The following MGAT5B variants were observed in gnomAD, a reference collection of about 807,000 sequenced individuals.
MGAT5B encodes alpha-1,6-mannosylglycoprotein 6-beta-N-acetylglucosaminyltransferase B.
In MGAT5B, 54 loss-of-function variants were observed where a neutral mutation model predicts 95.1. That is an observed-to-expected ratio of 0.57 (90% CI 0.46 to 0.71). The LOEUF (loss-of-function observed/expected upper bound fraction) is 0.71, where lower values mean the gene tolerates loss of function less well. MGAT5B is among the 30% of genes least tolerant of loss of function. MGAT5B has a pLI of 0.00. For synonymous variants in MGAT5B, 464 were observed against 451.0 expected (o/e 1.03, Z -0.36); for missense variants, 935 against 1,088.6 (o/e 0.86, Z 1.99).
In MGAT5B at chr17:76,905,929, G is replaced by A; in HGVS notation, c.856-89G>A. 7.1e-7 allele frequency: 1 copy of A among 1,406,652 alleles called. No homozygotes were observed. Among genetic ancestry groups the A allele is most frequent in the South Asian group, 1.4e-5 (1 of 70,486 alleles). The allele number at this position is 1,406,652 out of a possible 1,614,324, so 87.1% of individuals were successfully genotyped here. On this transcript the variant is annotated intron_variant, in intron 7 of 17. Coordinates refer to ENST00000569840, the MANE Select transcript of MGAT5B (RefSeq NM_001199172.2). The surrounding 1 kb of genome is among the most constrained non-coding windows in gnomAD (Gnocchi z 4.2). ...GCCCAGCCTGGAGACAGGGTCTGCTGCCGGCTGGTCTCCTGGCCGGTGCCC... is the reference window on the plus strand; with the variant it reads ...GCCCAGCCTGGAGACAGGGTCTGCTACCGGCTGGTCTCCTGGCCGGTGCCC...
At chr17:76,880,420 G>A (rs2145130313) in intron 2 of MGAT5B, among the ~76,000 whole-genome samples, 1 of 152,314 alleles carries the variant, frequency 6.6e-6, no homozygotes, top group East Asian at 1.9e-4. Flanking sequence ...CGTGGCAGCA[G>A]TGGCTGGGCC....
At chr17:76,925,161 C>G in intron 9 of MGAT5B, 64 bp downstream of exon 9, 1 of 1,598,078 alleles carries the variant, frequency 6.3e-7, no homozygotes, top group Non-Finnish European at 8.5e-7. Context: ...TCCTCCTTCA[C>G]GCCCTGCCCC....
intron 13 of MGAT5B, among the ~76,000 whole-genome samples, chr17:76,939,461 A>G (rs1278144369): frequency 6.6e-6 from 1 of 152,002 alleles, no homozygotes; most frequent in Non-Finnish European, 1.5e-5. Context: ...TTGCAGTGAG[A>G]TGAGATGGTG....
At position 76,946,007 on chromosome 17, in the gene MGAT5B, C is replaced by A. The variant is rs115275262; in HGVS notation, c.1849-369C>A. On this transcript the variant is annotated intron_variant, in intron 15 of 17. Coordinates refer to ENST00000569840, the MANE Select transcript of MGAT5B (RefSeq NM_001199172.2). The stretch of plus-strand genomic sequence containing the variant: ...GAGTGGGGGTGGGGCTCAGGGAAAG[C>A]TCCCTGGAGCAGGTGATGCCTAAGA... Among the ~76,000 whole-genome samples the A allele has an allele frequency of 1.3e-3, 192 of 151,844 alleles. 1 individual carries two copies. Among genetic ancestry groups the A allele is most frequent in the African/African-American group, 4.4e-3 (184 of 41,398 alleles).
Position 76,930,346 on chromosome 17 carries a change from G to T in MGAT5B, c.1292-2299G>T, listed in dbSNP as rs7218723. 0.17 allele frequency among the ~76,000 whole-genome samples: 25,652 copies of T among 152,074 alleles called. 2,232 individuals carry two copies. The highest frequency in any genetic ancestry group is 0.19 in the Non-Finnish European group (13,076 of 67,972). ...ACTACAGTAGATTTACACATTTGAT[G>T]AAAGCATGCATCCCAATTGGAGAAA... On this transcript the variant is annotated intron_variant, in intron 10 of 17. Coordinates refer to ENST00000569840, the MANE Select transcript of MGAT5B (RefSeq NM_001199172.2). This position sits in a 1 kb window ranked among gnomAD's most constrained non-coding sequence, Gnocchi z 4.1.
intron 5 of MGAT5B, among the ~76,000 whole-genome samples, chr17:76,903,660 C>T (rs994231355): frequency 6.6e-6 from 1 of 152,204 alleles, no homozygotes; most frequent in Non-Finnish European, 1.5e-5. Context: ...CCTGCTCCTC[C>T]TGGCCCAGCC....
rs367686326 is a variant in MGAT5B, at chr17:76,943,623, T to TGG, written c.1849-2744_1849-2743dup. ...TTATTTGAATAGAGATGGGGTGGGGTGGGGGGGGGGTCTCATTTTGTTGCC... is the reference window on the plus strand; with the variant it reads ...TTATTTGAATAGAGATGGGGTGGGGTGGGGGGGGGGGGTCTCATTTTGTTGCC... On this transcript the variant is annotated intron_variant, in intron 15 of 17. Coordinates refer to ENST00000569840, the MANE Select transcript of MGAT5B (RefSeq NM_001199172.2). Among the ~76,000 whole-genome samples the TGG allele has an allele frequency of 9.1e-4, 69 of 75,604 alleles. 1 individual carries two copies. The South Asian group carries it at 0.034, about 37-fold the overall frequency. 49.6% of individuals were successfully genotyped at this position (75,604 alleles called of 152,430 possible).
At chr17:76,945,762 T>C (rs1179939083) in intron 15 of MGAT5B, among the ~76,000 whole-genome samples, 1 of 152,188 alleles carries the variant, frequency 6.6e-6, no homozygotes, top group East Asian at 1.9e-4. Flanking sequence ...TGGGGATGCC[T>C]TTTCATTCCA....
intron 3 of MGAT5B, among the ~76,000 whole-genome samples, chr17:76,883,328 A>G (rs1371112292): frequency 6.6e-6 from 1 of 152,096 alleles, no homozygotes; most frequent in Non-Finnish European, 1.5e-5. Flanking sequence ...ATGATTTTGA[A>G]CTCTGTGTTG....
Position 76,940,804 on chromosome 17 carries a change from T to C in MGAT5B, c.1804T>C (p.Ser602Pro). Residue 602 changes from serine (S) to proline (P), a missense_variant, in exon 15 of 18, where the codon TCA (serine) becomes CCA (proline). Coordinates refer to ENST00000569840, the MANE Select transcript of MGAT5B (RefSeq NM_001199172.2). The surrounding 1 kb of genome is among the most constrained non-coding windows in gnomAD (Gnocchi z 4.3). ...CGTGTGGACAGTCGACTACAACAACTCAGAGGAGTTTGAAGCAGCCATCAA... is the reference window on the plus strand; with the variant it reads ...CGTGTGGACAGTCGACTACAACAACCCAGAGGAGTTTGAAGCAGCCATCAA... ...PHVWTVDYNN[S>P]EEFEAAIKAI... 6.2e-7 allele frequency: 1 copy of C among 1,613,948 alleles called. No individual in the cohort carries two copies. The highest frequency in any genetic ancestry group is 8.5e-7 in the Non-Finnish European group (1 of 1,180,006).
At chr17:76,947,608 G>A (rs1325297445) in intron 16 of MGAT5B, among the ~76,000 whole-genome samples, 1 of 152,198 alleles carries the variant, frequency 6.6e-6, no homozygotes, top group Non-Finnish European at 1.5e-5. Flanking sequence ...CAAGGCCCTG[G>A]GCGGATGCCG....
intron 11 of MGAT5B, 26 bp from the exon 12 acceptor site, chr17:76,933,266 T>C: frequency 6.3e-7 from 1 of 1,598,278 alleles, no homozygotes; most frequent in Non-Finnish European, 8.5e-7. Context: ...TCTCTGTTCC[T>C]TGTGCTCCCC....
chr17:76,886,364 G>C (rs73371847), intron 3 of MGAT5B, among the ~76,000 whole-genome samples: 19,831 of 152,226 alleles, frequency 0.13, 2,119 homozygotes, highest in African/African-American at 0.29. Flanking sequence ...TGGGCTCTGC[G>C]AGCCTCAGGT....
intron 3 of MGAT5B, among the ~76,000 whole-genome samples, chr17:76,899,426 T>G (rs903197714): frequency 1.3e-5 from 2 of 152,134 alleles, no homozygotes; most frequent in Non-Finnish European, 2.9e-5. Context: ...GGAGGATCAC[T>G]TGAGCCCAGG....
chr17:76,871,236 T>C (rs1198425742), intron 1 of MGAT5B, among the ~76,000 whole-genome samples: 1 of 152,210 alleles, frequency 6.6e-6, no homozygotes, highest in East Asian at 1.9e-4. Flanking sequence ...GCACCTCTCC[T>C]GTGCCATGGC....
intron 8 of MGAT5B, among the ~76,000 whole-genome samples, chr17:76,908,516 C>T (rs1435214787): frequency 3.3e-5 from 5 of 152,120 alleles, no homozygotes; most frequent in African/African-American, 9.7e-5. Context: ...ATTCGCCTAC[C>T]TCAGCCTCCC....
At chr17:76,909,771 C>T (rs1968666612) in intron 8 of MGAT5B, among the ~76,000 whole-genome samples, 3 of 152,196 alleles carry the variant, frequency 2.0e-5, no homozygotes, top group South Asian at 2.1e-4. Context: ...GATTGTGTTG[C>T]TTAGGAGGCC....
At position 76,918,258 on chromosome 17, in the gene MGAT5B, G is replaced by A. The variant is rs1969009738; in HGVS notation, c.1026-6708G>A. On this transcript the variant is annotated intron_variant, in intron 8 of 17. Coordinates refer to ENST00000569840, the MANE Select transcript of MGAT5B (RefSeq NM_001199172.2). The surrounding 1 kb of genome is among the most constrained non-coding windows in gnomAD (Gnocchi z 5.1). The stretch of plus-strand genomic sequence containing the variant: ...GCTTTGTGGTAGCTTCGGCTAAAGA[G>A]CACCCAGACTGTGCCTCCATCTGCC... 6.6e-6 allele frequency among the ~76,000 whole-genome samples: 1 copy of A among 152,100 alleles called. No homozygotes were observed. The highest frequency in any genetic ancestry group is 1.5e-5 in the Non-Finnish European group (1 of 68,020).
intron 17 of MGAT5B, 25 bp downstream of exon 17, chr17:76,948,111 C>A: frequency 6.4e-7 from 1 of 1,554,438 alleles, no homozygotes; most frequent in Non-Finnish European, 8.7e-7. Flanking sequence ...ACCCTCCCCA[C>A]CCAGCCGCTA....
Sources: gnomAD v4.1 joint callset for allele counts (sites outside exome capture counted in the v4.1 genomes callset) on GRCh38, gnomAD v4.1.1 for gene constraint, Gnocchi (gnomAD v3.1) non-coding constraint, MANE v1.5 for transcripts, NCBI Gene and HGNC (gene_info 2026-07-23, HGNC 2026-07-21) for gene names.